Variants in FCRL6 observed in about 807,000 individuals in gnomAD.
FCRL6 encodes Fc receptor-like protein 6.
In FCRL6, 50 loss-of-function variants were observed where a neutral mutation model predicts 49.1. The ratio of observed to expected loss-of-function variants is 1.02; its 90% CI spans 0.81 to 1.29. FCRL6 has a LOEUF of 1.29. Among genes scored for constraint, FCRL6 ranks in the 50% most tolerant of loss-of-function variants. The pLI is 0.00. For missense variants in FCRL6, 571 were observed against 518.5 expected (o/e 1.10, Z -0.98); for synonymous variants, 213 against 199.6 (o/e 1.07, Z -0.57).
At chr1:159,812,964 T>C (rs994054862) in intron 6 of FCRL6, among the ~76,000 whole-genome samples, 10 of 152,128 alleles carry the variant, frequency 6.6e-5, no homozygotes, top group Admixed American at 3.3e-4. Context: ...AGAAGTCGCC[T>C]CTCCCAGCTC....
intron 2 of FCRL6, among the ~76,000 whole-genome samples, chr1:159,807,114 A>G (rs1231497627): frequency 1.3e-5 from 2 of 152,230 alleles, no homozygotes; most frequent in Non-Finnish European, 2.9e-5. Flanking sequence ...CTTGACCTCC[A>G]AGGACATATT....
chr1:159,814,803 C>T (rs1038710592), intron 8 of FCRL6, among the ~76,000 whole-genome samples: 8 of 152,198 alleles, frequency 5.3e-5, no homozygotes, highest in African/African-American at 1.7e-4. Context: ...AAGGCTGGTC[C>T]TTTAACAGAG....
At chr1:159,802,831 T>A (rs1198731370) in intron 1 of FCRL6, among the ~76,000 whole-genome samples, 1 of 152,190 alleles carries the variant, frequency 6.6e-6, no homozygotes, top group Non-Finnish European at 1.5e-5. Flanking sequence ...GGAAGGAGGC[T>A]GCTGGGGGCA....
upstream of FCRL6, among the ~76,000 whole-genome samples, chr1:159,801,123 G>A (rs1027478561): frequency 2.0e-5 from 3 of 152,268 alleles, no homozygotes; most frequent in Non-Finnish European, 4.4e-5. Context: ...TCTGTCCACA[G>A]AGGAGATGAG....
chr1:159,810,976 C>T (rs1031546922), intron 6 of FCRL6, among the ~76,000 whole-genome samples: 4 of 152,228 alleles, frequency 2.6e-5, no homozygotes, highest in African/African-American at 9.6e-5. Flanking sequence ...ATCACCCCAG[C>T]AGGTTCCCAG....
chr1:159,809,942 C>A (rs1181732736), intron 5 of FCRL6, 152 bp from the exon 6 acceptor site: 1 of 996,234 alleles, frequency 1.0e-6, no homozygotes, highest in African/African-American at 1.6e-5. Context: ...TGCTGCCATC[C>A]CCTGAGCCAT....
At chr1:159,808,091 C>T in intron 2 of FCRL6, 87 bp from the exon 3 acceptor site, 1 of 1,441,082 alleles carries the variant, frequency 6.9e-7, no homozygotes, top group Non-Finnish European at 9.5e-7. Flanking sequence ...CCATCCCCAG[C>T]AGGAGGCCTT....
intron 1 of FCRL6, among the ~76,000 whole-genome samples, chr1:159,802,993 A>G (rs1159115533): frequency 6.6e-6 from 1 of 152,218 alleles, no homozygotes; most frequent in African/African-American, 2.4e-5. Flanking sequence ...CCTGGTTGAA[A>G]GGCCTGTGCT....
chr1:159,801,390 T>C (rs1217288091), upstream of FCRL6, among the ~76,000 whole-genome samples: 1 of 152,188 alleles, frequency 6.6e-6, no homozygotes, highest in East Asian at 1.9e-4. Context: ...AGAGTTCTAG[T>C]TTCTTCACAT....
chr1:159,813,019 C>A (rs925331210), intron 6 of FCRL6, among the ~76,000 whole-genome samples: 2 of 152,178 alleles, frequency 1.3e-5, no homozygotes, highest in Non-Finnish European at 2.9e-5. Context: ...TCAACCTTTG[C>A]AAGATGGTTG....
intron 2 of FCRL6, among the ~76,000 whole-genome samples, 158 bp from the exon 3 acceptor site, chr1:159,808,020 T>C (rs1662810275): frequency 6.6e-6 from 1 of 151,998 alleles, no homozygotes; most frequent in Admixed American, 6.5e-5. Flanking sequence ...GGTCCTGCCC[T>C]TCTCTGGTCG....
At chr1:159,808,079 C>T in intron 2 of FCRL6, 99 bp from the exon 3 acceptor site, 1 of 1,393,426 alleles carries the variant, frequency 7.2e-7, no homozygotes, top group Non-Finnish European at 9.9e-7. Flanking sequence ...ATCCAAGGGC[C>T]TCCATCCCCA....
Position 159,810,080 on chromosome 1 carries a change from C to T in FCRL6, c.887-14C>T. The T allele has an allele frequency of 6.2e-7, 1 of 1,607,480 alleles. No individual in the cohort carries two copies. The highest frequency in any genetic ancestry group is 1.1e-5 in the South Asian group (1 of 89,948). Reference sequence around the variant, plus strand: ...CTTCAGTGCTCATGGCCACCTTCTTCTCCCTGCTCCCAGGTTCTCAAGTCT... The same window carrying T: ...CTTCAGTGCTCATGGCCACCTTCTTTTCCCTGCTCCCAGGTTCTCAAGTCT... On this transcript the variant is annotated splice_polypyrimidine_tract_variant and intron_variant, in intron 5 of 9. Coordinates refer to ENST00000368106, the MANE Select transcript of FCRL6 (RefSeq NM_001004310.3).
chr1:159,802,353 G>A, upstream of FCRL6: 2 of 1,594,810 alleles, frequency 1.3e-6, no homozygotes, highest in Non-Finnish European at 1.7e-6. Flanking sequence ...CCTGAGGCCT[G>A]GTTGCTCTCT....
chr1:159,806,161 T>C (rs1401925564), intron 1 of FCRL6, among the ~76,000 whole-genome samples: 1 of 152,228 alleles, frequency 6.6e-6, no homozygotes, highest in Non-Finnish European at 1.5e-5. Flanking sequence ...ATGAATAAGA[T>C]AAATTCAAAT....
upstream of FCRL6, chr1:159,800,607 T>C (rs776070801): frequency 2.6e-6 from 4 of 1,550,236 alleles, no homozygotes; most frequent in South Asian, 4.8e-5. Flanking sequence ...AATGTTGCCA[T>C]CTTTAGGTGA....
chr1:159,813,963 G>A (rs1363270824), intron 7 of FCRL6, among the ~76,000 whole-genome samples: 1 of 152,180 alleles, frequency 6.6e-6, no homozygotes, highest in Non-Finnish European at 1.5e-5. Context: ...CCAAAAATAT[G>A]TACACCTTTT....
chr1:159,804,621 C>G (rs141348759), intron 1 of FCRL6, among the ~76,000 whole-genome samples: 1 of 152,364 alleles, frequency 6.6e-6, no homozygotes, highest in Non-Finnish European at 1.5e-5. Context: ...TCCCAGTTGG[C>G]TGCTGTTTTG....
Position 159,815,819 on chromosome 1 carries a change from T to C in FCRL6, c.*158T>C. The C allele has an allele frequency of 1.2e-6, 1 of 836,010 alleles. No individual in the cohort carries two copies. The highest frequency in any genetic ancestry group is 1.8e-5 in the South Asian group (1 of 56,728). 51.8% of individuals were successfully genotyped at this position (836,010 alleles called of 1,614,324 possible). ...GTCCTGGTCAGGAGCACCTGAACCC[T>C]GGGTTCTTTTCTTAGCAGAAGACCA... is the stretch of plus-strand genomic sequence containing the variant. On this transcript the variant is annotated 3_prime_UTR_variant, in exon 10 of 10. Coordinates refer to ENST00000368106, the MANE Select transcript of FCRL6 (RefSeq NM_001004310.3).
Sources: allele counts gnomAD v4.1 joint callset (sites outside exome capture counted in the v4.1 genomes callset), GRCh38; gene constraint gnomAD v4.1.1; transcripts MANE v1.5; gene names NCBI Gene and HGNC (gene_info 2026-07-23, HGNC 2026-07-21).